Variants in COL4A4 observed in about 807,000 individuals in gnomAD.
The protein encoded by COL4A4 is collagen alpha-4(IV) chain.
In COL4A4, 105 loss-of-function variants were observed where a neutral mutation model predicts 192.9. That is an observed-to-expected ratio of 0.54 (90% CI 0.46 to 0.64). The LOEUF (loss-of-function observed/expected upper bound fraction) is 0.64. COL4A4 is among the 30% of genes least tolerant of loss of function. The pLI, the probability that COL4A4 is intolerant of heterozygous loss-of-function variation, is 0.00. For synonymous variants in COL4A4, 762 were observed against 769.9 expected (o/e 0.99, Z 0.17); for missense variants, 1,967 against 2,169.3 (o/e 0.91, Z 1.85).
intron 3 of COL4A4, among the ~76,000 whole-genome samples, chr2:227,144,289 G>A: frequency 6.6e-6 from 1 of 152,114 alleles, no homozygotes; most frequent in East Asian, 1.9e-4. Flanking sequence ...TTAAAGAAAG[G>A]GTTATGTTTG....
At position 227,008,021 on chromosome 2, in the gene COL4A4, C is replaced by T; in HGVS notation, c.4806G>A (p.Leu1602=). Residue 1602 remains leucine (L), a synonymous_variant, in exon 47 of 48, where the codon CTG becomes CTA. Coordinates refer to ENST00000396625, the MANE Select transcript of COL4A4 (RefSeq NM_000092.5). ...TTTTCAAGGGCACGGGACTCACCAT[C>T]AGGAATGAATACCCGATCCAGAGGC... ...WRSLWIGYSF[L]MHTGAGDQGG... 1 of 1,610,564 alleles carries T rather than the reference C, an allele frequency of 6.2e-7. No homozygotes were observed. Among genetic ancestry groups the T allele is most frequent in the Non-Finnish European group, 8.5e-7 (1 of 1,180,014 alleles).
Position 227,027,893 on chromosome 2 carries a change from G to C in COL4A4, c.4081+9C>G, listed in dbSNP as rs201688381. 9.5e-6 allele frequency: 15 copies of C among 1,584,928 alleles called. No homozygotes were observed. The highest frequency in any genetic ancestry group is 1.3e-5 in the Non-Finnish European group (15 of 1,153,874). ...TAAACAAAATGCTGTATGTAGGTTG[G>C]AAGCTCACCCGGAAGACCAGTGGGC... On this transcript the variant is annotated intron_variant, in intron 42 of 47. Transcript: ENST00000396625.
At chr2:227,082,631 G>A (rs1170373637) in intron 22 of COL4A4, among the ~76,000 whole-genome samples, 1 of 152,142 alleles carries the variant, frequency 6.6e-6, no homozygotes, top group Non-Finnish European at 1.5e-5. Context: ...AATGTGAAAT[G>A]GAGAGGAAAG....
intron 19 of COL4A4, among the ~76,000 whole-genome samples, chr2:227,094,899 GA>G (rs922661772): frequency 9.2e-5 from 14 of 151,736 alleles, no homozygotes; most frequent in Admixed American, 2.0e-4. Context: ...TTCAGAAGTA[GA>G]AAAAAAATAA....
intron 1 of COL4A4, among the ~76,000 whole-genome samples, chr2:227,158,377 C>T (rs1168183473): frequency 6.6e-6 from 1 of 151,968 alleles, no homozygotes; most frequent in Non-Finnish European, 1.5e-5. Context: ...CAATACTACA[C>T]AAGAAGAAAA....
Position 227,002,821 on chromosome 2 carries a change from A to G in COL4A4, c.*4504T>C, listed in dbSNP as rs1046357611. ...AGACCAGGCATCTTGCAAAAGTTAC[A>G]TGCTGAAAGTCTTTAACTTTACAAC... On this transcript the variant is annotated 3_prime_UTR_variant, in exon 48 of 48. Transcript: ENST00000396625. 11 of 152,548 alleles carry G rather than the reference A, an allele frequency of 7.2e-5. No individual in the cohort carries two copies. The highest frequency in any genetic ancestry group is 1.0e-4 in the Non-Finnish European group (7 of 68,054). The allele number at this position is 152,548 out of a possible 1,614,324, so 9.4% of individuals were successfully genotyped here.
chr2:227,139,721 C>G (rs1226426824), intron 4 of COL4A4, among the ~76,000 whole-genome samples: 1 of 152,212 alleles, frequency 6.6e-6, no homozygotes, highest in African/African-American at 2.4e-5. Flanking sequence ...ATAGCTATCA[C>G]TTCATTAGAA....
intron 38 of COL4A4, 72 bp downstream of exon 38, chr2:227,033,338 A>G (rs1968828014): frequency 7.8e-7 from 1 of 1,280,626 alleles, no homozygotes; most frequent in Admixed American, 1.8e-5. Flanking sequence ...CAGAAATACC[A>G]GGGAGGGTAC....
At chr2:227,152,014 T>G (rs1432637568) in intron 1 of COL4A4, among the ~76,000 whole-genome samples, 1 of 152,206 alleles carries the variant, frequency 6.6e-6, no homozygotes, top group Non-Finnish European at 1.5e-5. Context: ...ATTTATCATC[T>G]AGAATTAATT....
intron 44 of COL4A4, among the ~76,000 whole-genome samples, chr2:227,019,308 A>G (rs1441410638): frequency 6.6e-6 from 1 of 152,236 alleles, no homozygotes; most frequent in East Asian, 1.9e-4. Flanking sequence ...TTCATATAAC[A>G]GGGCGTCTCA....
intron 4 of COL4A4, among the ~76,000 whole-genome samples, chr2:227,122,580 C>T (rs1044068650): frequency 1.3e-5 from 2 of 152,126 alleles, no homozygotes; most frequent in South Asian, 2.1e-4. Context: ...TGGAGTCACC[C>T]GAAATCAGCA....
the COL4A4 span, among the ~76,000 whole-genome samples, chr2:226,971,767 A>T: frequency 6.6e-6 from 1 of 152,050 alleles, no homozygotes; most frequent in East Asian, 1.9e-4. Context: ...GTTATCTGTC[A>T]TGTAATTTGT....
intron 42 of COL4A4, among the ~76,000 whole-genome samples, chr2:227,026,150 A>G (rs189221860): frequency 7.2e-5 from 11 of 152,228 alleles, no homozygotes; most frequent in African/African-American, 2.4e-4. Context: ...GCTTCTGAAA[A>G]TTTCATATTA....
chr2:227,041,720 GAGGAAGGAAGGAAGGAAGGA>G (rs71036153), intron 37 of COL4A4, among the ~76,000 whole-genome samples: 1,274 of 39,254 alleles, frequency 0.032, 46 homozygotes, highest in African/African-American at 0.051. Context: ...AGGAAGGGAG[GAGGAAGGAAGGAAGGAAGGA>G]AGGAAGGAAG....
chr2:226,985,113 C>T, the COL4A4 span, among the ~76,000 whole-genome samples: 10 of 152,240 alleles, frequency 6.6e-5, no homozygotes, highest in East Asian at 1.9e-3. Flanking sequence ...TGTTTATCTC[C>T]TCTGATTTGG....
At chr2:227,138,780 C>T (rs1264722561) in intron 4 of COL4A4, among the ~76,000 whole-genome samples, 2 of 152,074 alleles carry the variant, frequency 1.3e-5, no homozygotes, top group East Asian at 3.9e-4. Context: ...GTAAAATAGG[C>T]CAACAAAGGA....
intron 45 of COL4A4, among the ~76,000 whole-genome samples, chr2:227,011,273 C>T (rs1421791354): frequency 6.6e-6 from 1 of 152,010 alleles, no homozygotes; most frequent in Admixed American, 6.5e-5. Context: ...TTCTGCAAGA[C>T]TGGCAGGCTC....
At chr2:227,114,805 A>G (rs1351393276) in intron 7 of COL4A4, 109 bp from the exon 8 acceptor site, 4 of 883,534 alleles carry the variant, frequency 4.5e-6, no homozygotes, top group South Asian at 2.8e-5. Context: ...CATTATTGAC[A>G]TGATTAACAA....
the COL4A4 span, among the ~76,000 whole-genome samples, chr2:226,978,652 C>T: frequency 6.6e-6 from 1 of 152,212 alleles, no homozygotes; most frequent in East Asian, 1.9e-4. Flanking sequence ...CCCCATGGAG[C>T]TCACAACGCA....
Sources: gnomAD v4.1 joint callset for allele counts (sites outside exome capture counted in the v4.1 genomes callset) on GRCh38, gnomAD v4.1.1 for gene constraint, MANE v1.5 for transcripts, NCBI Gene and HGNC (gene_info 2026-07-23, HGNC 2026-07-21) for gene names.